TBC1D17: variants seen among roughly 807,000 people sequenced by gnomAD.
TBC1D17 encodes TBC1 domain family, member 17.
In TBC1D17, 69 loss-of-function variants were observed where a neutral mutation model predicts 78.8. That is an observed-to-expected ratio of 0.88 (90% confidence interval 0.72 to 1.07). The LOEUF (loss-of-function observed/expected upper bound fraction) is 1.07. TBC1D17 is among the 50% of genes least tolerant of loss of function. TBC1D17 has a pLI of 0.00. For synonymous variants in TBC1D17, 456 were observed against 358.3 expected, an observed-to-expected ratio of 1.27 and a Z score of -3.08; for missense variants, 957 against 861.0, an observed-to-expected ratio of 1.11 and a Z score of -1.39.
At chr19:49,883,245 G>A (rs751237527) in intron 9 of TBC1D17, among the ~76,000 whole-genome samples, 169 bp downstream of exon 9, 1 of 152,156 alleles carries the variant, frequency 6.6e-6, no homozygotes, top group South Asian at 2.1e-4. Flanking sequence ...CCCCTGTATG[G>A]TCTGTCTCCA....
rs1188369339 is a variant in TBC1D17 at position 49,882,370 on chromosome 19, G to C, written c.768G>C (p.Glu256Asp). 2 of 1,608,510 alleles carry C rather than the reference G, an allele frequency of 1.2e-6. No individual in the cohort carries two copies. The highest frequency in any genetic ancestry group is 2.2e-5 in the South Asian group (2 of 91,080). ...ASDLPPPPDD[E>D]PEPGFEVISC... ...ACCTTCCCCCGCCACCCGACGATGA[G>C]CCCGAGCCTGGATTCGAGGTCATTT... The change falls in exon 7 of 17, where the codon GAG becomes GAC. Residue 256 changes from glutamate to aspartate, a missense_variant. Coordinates refer to ENST00000221543, the MANE Select transcript of TBC1D17 (RefSeq NM_024682.3).
rs370183935 is a variant in TBC1D17, at chr19:49,887,816, C to T, written c.1641C>T (p.Gly547=). Reference sequence around the variant, plus strand: ...ACACCCTCATGCTGTCCGGCTTCGGCTCCAATGAGATCCTCAAGGTGAGGC... The same window carrying T: ...ACACCCTCATGCTGTCCGGCTTCGGTTCCAATGAGATCCTCAAGGTGAGGC... ...ERDTLMLSGF[G]SNEILKHINE... The change falls in exon 15 of 17, where the codon GGC becomes GGT. Residue 547 remains glycine, a synonymous_variant. Coordinates refer to ENST00000221543, the MANE Select transcript of TBC1D17 (RefSeq NM_024682.3). The T allele has an allele frequency of 5.0e-5, 80 of 1,610,272 alleles. No homozygotes were observed. The highest frequency in any genetic ancestry group is 6.2e-5 in the Non-Finnish European group (73 of 1,178,922).
chr19:49,884,685 G>A lies in TBC1D17; in HGVS notation c.1371G>A (p.Glu457=). 2 of 1,614,168 alleles carry A rather than the reference G, an allele frequency of 1.2e-6. No homozygotes were observed. Among genetic ancestry groups the A allele is most frequent in the Non-Finnish European group, 1.7e-6 (2 of 1,180,036 alleles). ...AAGGGAACTTTGAAGAGAGCCAGGA[G>A]ACCATGAAGCGGCAACTCGGGCGAC... ...LVQGNFEESQ[E]TMKRQLGRLL... is the part of the protein sequence containing the mutation. Residue 457 remains glutamate (E), a synonymous_variant, in exon 13 of 17, where the codon GAG becomes GAA. Coordinates refer to ENST00000221543, the MANE Select transcript of TBC1D17 (RefSeq NM_024682.3).
rs1334386505 is a variant in TBC1D17, at chr19:49,885,466, A to AT, written c.1444+708_1444+709insT. ...CTCCATCTCAAAAAAAAAAAAAAAAAAAAATATATTCTTTATTACTTGGTC... is the reference window on the plus strand; with the variant it reads ...CTCCATCTCAAAAAAAAAAAAAAAAATAAAATATATTCTTTATTACTTGGTC... On this transcript the variant is annotated intron_variant, in intron 13 of 16. Transcript: ENST00000221543. 8 of 149,168 alleles carry AT rather than the reference A, an allele frequency of 5.4e-5. No individual in the cohort carries two copies. In the East Asian group the frequency reaches 1.6e-3, roughly 30 times the overall value. 9.2% of individuals were successfully genotyped at this position (149,168 alleles called of 1,614,324 possible). A position where few individuals can be genotyped will look rare whatever the true frequency, so the allele number is the denominator to read the frequency against.
At chr19:49,877,843 C>T (rs746410998) in intron 1 of TBC1D17, 99 bp downstream of exon 1, 5 of 1,413,678 alleles carry the variant, frequency 3.5e-6, no homozygotes, top group Non-Finnish European at 4.8e-6. Context: ...GAATCCGGCA[C>T]GGCCTTGGCA....
intron 13 of TBC1D17, 194 bp from the exon 14 acceptor site, chr19:49,887,282 C>T: frequency 3.4e-6 from 2 of 596,774 alleles, no homozygotes; most frequent in Middle Eastern, 4.6e-4. Context: ...TATAATAGCA[C>T]ACTTCCTCTG....
chr19:49,883,225 C>G, intron 9 of TBC1D17, 149 bp downstream of exon 9: 1 of 671,716 alleles, frequency 1.5e-6, no homozygotes, highest in South Asian at 1.9e-5. Context: ...TCAAGCCAGA[C>G]CCATCCTCAC....
chr19:49,884,611 C>G (rs1314317354), intron 12 of TBC1D17, 48 bp from the exon 13 acceptor site: 21 of 1,613,526 alleles, frequency 1.3e-5, no homozygotes, highest in Non-Finnish European at 1.6e-5. Context: ...ATCAGGTGTC[C>G]TGGTACCTCA....
At chr19:49,878,393 G>A in intron 2 of TBC1D17, 105 bp from the exon 3 acceptor site, 10 of 1,324,328 alleles carry the variant, frequency 7.6e-6, no homozygotes, top group Non-Finnish European at 1.1e-5. Context: ...GCGGGACTTT[G>A]AAAGGCTGAG....
intron 4 of TBC1D17, 144 bp from the exon 5 acceptor site, chr19:49,881,124 A>G: frequency 1.5e-6 from 1 of 670,614 alleles, no homozygotes; most frequent in Non-Finnish European, 2.5e-6. Context: ...TGTGCTTCCA[A>G]GGAATGTGAG....
Position 49,887,802 on chromosome 19 carries a change from C to G in TBC1D17, c.1627C>G (p.Leu543Val). Residue 543 changes from leucine to valine, a missense_variant, in exon 15 of 17, where the codon CTG becomes GTG. By Grantham distance (32) the Leu-to-Val change is conservative. Coordinates refer to ENST00000221543, the MANE Select transcript of TBC1D17 (RefSeq NM_024682.3). ...ILDMERDTLM[L>V]SGFGSNEILK... is the part of the protein sequence containing the mutation. ...GGACATGGAGAGGGACACCCTCATG[C>G]TGTCCGGCTTCGGCTCCAATGAGAT... 6.2e-7 allele frequency: 1 copy of G among 1,611,936 alleles called. No homozygotes were observed. Among genetic ancestry groups the G allele is most frequent in the Non-Finnish European group, 8.5e-7 (1 of 1,179,420 alleles).
intron 1 of TBC1D17, 132 bp from the exon 2 acceptor site, chr19:49,878,011 C>A (rs2074972912): frequency 1.2e-6 from 1 of 820,126 alleles, no homozygotes; most frequent in African/African-American, 1.7e-5. Context: ...ATTCTCCCCG[C>A]CTTGGTCCCG....
chr19:49,881,979 G>C (rs2075018209), intron 5 of TBC1D17, 62 bp from the exon 6 acceptor site: 1 of 1,435,714 alleles, frequency 7.0e-7, no homozygotes, highest in South Asian at 1.2e-5. Flanking sequence ...GCCGAGCACA[G>C]ACAGCCTGGG....
Position 49,887,568 on chromosome 19 carries a change from T to A in TBC1D17, c.1537T>A (p.Trp513Arg). ...EFPFPDVLRL[W>R]EVLWTGLPGP... ...CCCCTTCCCGGATGTCCTTCGGCTG[T>A]GGGAGGTGGGCCAGCCAGTTTGGGC... The change falls in exon 14 of 17, where the codon TGG becomes AGG. Residue 513 changes from tryptophan to arginine, a missense_variant. Trp to Arg is a moderately radical substitution (Grantham distance 101, BLOSUM62 -3). Transcript: ENST00000221543. 1 of 1,614,068 alleles carries A rather than the reference T, an allele frequency of 6.2e-7. No individual in the cohort carries two copies. The highest frequency in any genetic ancestry group is 8.5e-7 in the Non-Finnish European group (1 of 1,179,992).
At chr19:49,881,820 A>G (rs1374136292) in intron 5 of TBC1D17, among the ~76,000 whole-genome samples, 1 of 151,864 alleles carries the variant, frequency 6.6e-6, no homozygotes, top group South Asian at 2.1e-4. Flanking sequence ...AGTCAGTCAC[A>G]CTGGACCGGA....
In TBC1D17 at chr19:49,885,111, C is replaced by T. The variant is rs2075047893; in HGVS notation, c.1444+353C>T. 4.0e-5 allele frequency: 12 copies of T among 299,750 alleles called. No homozygotes were observed. The South Asian group carries it at 4.4e-4, about 11-fold the overall frequency. 18.6% of individuals were successfully genotyped at this position (299,750 alleles called of 1,614,324 possible). On this transcript the variant is annotated intron_variant, in intron 13 of 16. Coordinates refer to ENST00000221543, the MANE Select transcript of TBC1D17 (RefSeq NM_024682.3). Reference sequence around the variant, plus strand: ...TTGAACCAGGAATCAGAGACTGGTTCTCTGGGCCCTGGGGCTGGGGGTGCT... The same window carrying T: ...TTGAACCAGGAATCAGAGACTGGTTTTCTGGGCCCTGGGGCTGGGGGTGCT...
Position 49,881,318 on chromosome 19 carries a change from G to A in TBC1D17, c.370G>A (p.Gly124Arg). 1 of 1,613,152 alleles carries A rather than the reference G, an allele frequency of 6.2e-7. No homozygotes were observed. The highest frequency in any genetic ancestry group is 8.5e-7 in the Non-Finnish European group (1 of 1,179,982). The change falls in exon 5 of 17, where the codon GGG (glycine) becomes AGG (arginine). Residue 124 changes from glycine to arginine, a missense_variant. Coordinates refer to ENST00000221543, the MANE Select transcript of TBC1D17 (RefSeq NM_024682.3). ...CTCCTGGGCCTTCTCAGTGAGTCTGGGGGAGCTAAAGTCCATCCGCCGCTC... is the reference window on the plus strand; with the variant it reads ...CTCCTGGGCCTTCTCAGTGAGTCTGAGGGAGCTAAAGTCCATCCGCCGCTC... ...QGSWAFSVSL[G>R]ELKSIRRSKP... is the part of the protein sequence containing the mutation.
Position 49,883,890 on chromosome 19 carries a change from T to C in TBC1D17, c.1126+145T>C. On this transcript the variant is annotated intron_variant, in intron 10 of 16. Transcript: ENST00000221543. ...CATCTTGGGGGAAAGCTGCATGGGCTGTTGGGGAATGGCCCTGGGGGAGCA... is the reference window on the plus strand; with the variant it reads ...CATCTTGGGGGAAAGCTGCATGGGCCGTTGGGGAATGGCCCTGGGGGAGCA... 8 of 710,538 alleles carry C rather than the reference T, an allele frequency of 1.1e-5. No individual in the cohort carries two copies. In the South Asian group the frequency reaches 1.4e-4, roughly 12 times the overall value. The allele number at this position is 710,538 out of a possible 1,614,324, so 44.0% of individuals were successfully genotyped here. A position where few individuals can be genotyped will look rare whatever the true frequency, so the allele number is the denominator to read the frequency against.
intron 12 of TBC1D17, 37 bp downstream of exon 12, chr19:49,884,596 G>T (rs374537363): frequency 6.2e-7 from 1 of 1,613,532 alleles, no homozygotes; most frequent in Non-Finnish European, 8.5e-7. Context: ...CAGGCCTATC[G>T]AGCGATCAGG....
Sources: gnomAD v4.1 joint callset for allele counts (sites outside exome capture counted in the v4.1 genomes callset) on GRCh38, gnomAD v4.1.1 for gene constraint, MANE v1.5 for transcripts, NCBI Gene and HGNC (gene_info 2026-07-23, HGNC 2026-07-21) for gene names.